GALC: variants seen among roughly 807,000 people sequenced by gnomAD.
GALC encodes the protein galactosylceramidase, also known as galactocerebrosidase.
Under a neutral mutation model 91.8 loss-of-function variants are expected in GALC, and 77 were observed. The observed-to-expected ratio is 0.84, with a 90% CI of 0.70 to 1.01. GALC has a LOEUF of 1.01. GALC is among the 50% of genes least tolerant of loss of function. The pLI is 0.00. For missense variants in GALC, 882 were observed against 855.9 expected (o/e 1.03, Z -0.38); for synonymous variants, 357 against 306.7 (o/e 1.16, Z -1.71).
chr14:87,947,757 G>C lies in GALC; in HGVS notation c.1460C>G (p.Pro487Arg), dbSNP rs1056412903. 2.5e-6 allele frequency: 4 copies of C among 1,612,908 alleles called. No homozygotes were observed. The South Asian group carries it at 4.4e-5, about 18-fold the overall frequency. Residue 487 changes from proline to arginine, a missense_variant, in exon 13 of 17, where the codon CCA (proline) becomes CGA (arginine). By Grantham distance (103) the Pro-to-Arg change is moderately radical. Coordinates refer to ENST00000261304, the MANE Select transcript of GALC (RefSeq NM_000153.4). ...ATTGAAATCATCCTTATAGGTACTT[G>C]GGAAGGGCTGGGATTTTGGAGGAAG... is the stretch of plus-strand genomic sequence containing the variant. Reference protein sequence around the residue: ...YPLPPKSQPFPSTYKDDFNVD... With the variant: ...YPLPPKSQPFRSTYKDDFNVD...
At chr14:87,958,367 A>C (rs1029471825) in intron 10 of GALC, among the ~76,000 whole-genome samples, 3 of 152,060 alleles carry the variant, frequency 2.0e-5, no homozygotes, top group Admixed American at 2.0e-4. Context: ...ACTAAAAAAA[A>C]CTCACAAAAA....
chr14:87,967,627 T>G (rs190549474), intron 8 of GALC, among the ~76,000 whole-genome samples: 15 of 152,318 alleles, frequency 9.8e-5, no homozygotes, highest in Admixed American at 5.2e-4. Context: ...AAAATAGTTG[T>G]GTTCTCCCTT....
chr14:87,959,125 C>T lies in GALC; in HGVS notation c.1161+4259G>A, dbSNP rs564762337. ...TAGACTATGTAAAGAACTTAAACAA[C>T]GACAACAAAATAGCCCAGTTTAAAA... On this transcript the variant is annotated intron_variant, in intron 10 of 16. Transcript: ENST00000261304. Among the ~76,000 whole-genome samples the T allele has an allele frequency of 9.1e-4, 138 of 151,920 alleles. 1 individual carries two copies. Among genetic ancestry groups the T allele is most frequent in the Non-Finnish European group, 1.5e-3 (103 of 67,924 alleles).
chr14:87,965,046 A>T (rs1885974811), intron 9 of GALC, among the ~76,000 whole-genome samples: 1 of 152,206 alleles, frequency 6.6e-6, no homozygotes, highest in African/African-American at 2.4e-5. Context: ...TATTCATTTG[A>T]TGATTCAATA....
intron 1 of GALC, among the ~76,000 whole-genome samples, chr14:87,990,214 T>A (rs1303370137): frequency 1.3e-5 from 2 of 152,244 alleles, no homozygotes; most frequent in East Asian, 3.8e-4. Flanking sequence ...CAAGTTTGTA[T>A]CCTCATTCTT....
intron 9 of GALC, among the ~76,000 whole-genome samples, chr14:87,964,035 T>C (rs1169647154): frequency 6.6e-6 from 1 of 152,112 alleles, no homozygotes; most frequent in Non-Finnish European, 1.5e-5. Flanking sequence ...ATCTAGATAA[T>C]GTGGGGCCAA....
At chr14:87,945,171 CCACTAGATGGCAA>C (rs1215233622) in intron 14 of GALC, among the ~76,000 whole-genome samples, 1 of 151,808 alleles carries the variant, frequency 6.6e-6, no homozygotes, top group Non-Finnish European at 1.5e-5. Context: ...TAAGATTGGT[CCACTAGATGGCAA>C]CACCAGATCA....
rs371523347 is a variant in GALC, at chr14:87,988,513, C to T, written c.206G>A (p.Arg69Gln). ...GAVSGGGATS[R>Q]LLVNYPEPYR... Reference sequence around the variant, plus strand: ...GGGCTCTGGGTAATTTACTAGAAGTCGGGAGGTTGCCTAAAAAAAAAAGTT... The same window carrying T: ...GGGCTCTGGGTAATTTACTAGAAGTTGGGAGGTTGCCTAAAAAAAAAAGTT... The change falls in exon 2 of 17, where the codon CGA becomes CAA. Residue 69 changes from arginine to glutamine, a missense_variant. Coordinates refer to ENST00000261304, the MANE Select transcript of GALC (RefSeq NM_000153.4). 1.5e-5 allele frequency: 24 copies of T among 1,609,626 alleles called. No individual in the cohort carries two copies. Among genetic ancestry groups the T allele is most frequent in the Admixed American group, 5.0e-5 (3 of 59,958 alleles).
intron 10 of GALC, chr14:87,952,978 C>A: frequency 2.0e-6 from 2 of 982,392 alleles, no homozygotes; most frequent in South Asian, 2.6e-5. Context: ...AACTTTCACT[C>A]AAATTTGTTT....
intron 10 of GALC, among the ~76,000 whole-genome samples, chr14:87,951,548 A>G (rs557365308): frequency 2.0e-5 from 3 of 152,058 alleles, no homozygotes; most frequent in Non-Finnish European, 2.9e-5. Context: ...ATTCTTTTCA[A>G]GCGCACATGG....
At chr14:87,978,095 C>T (rs1052396021) in intron 6 of GALC, among the ~76,000 whole-genome samples, 9 of 152,170 alleles carry the variant, frequency 5.9e-5, no homozygotes, top group African/African-American at 1.9e-4. Context: ...TCTTGTTGCC[C>T]AGGCTGGGGT....
intron 4 of GALC, among the ~76,000 whole-genome samples, chr14:87,985,655 A>T (rs1886937707): frequency 6.6e-6 from 1 of 152,216 alleles, no homozygotes; most frequent in African/African-American, 2.4e-5. Context: ...TGAGAAAATT[A>T]TTTTTTAAAT....
intron 5 of GALC, among the ~76,000 whole-genome samples, chr14:87,983,481 C>T (rs1298983549): frequency 6.6e-6 from 1 of 152,208 alleles, no homozygotes; most frequent in African/African-American, 2.4e-5. Context: ...GTTCCAGCAT[C>T]TACTTCTCTT....
Position 87,949,846 on chromosome 14 carries a change from C to G in GALC, c.1337G>C (p.Trp446Ser). The stretch of plus-strand genomic sequence containing the variant: ...TATAAGAATTTACTTTAAAATTACC[C>G]ATAGAGAATCCAGCTGCTTAAAAAG... ...RFLFKQLDSL[W>S]LLDSDGSFTL... Residue 446 changes from tryptophan to serine, a missense_variant and splice_region_variant, in exon 12 of 17, where the codon TGG becomes TCG. Transcript: ENST00000261304. 1 of 1,521,244 alleles carries G rather than the reference C, an allele frequency of 6.6e-7. No individual in the cohort carries two copies. The highest frequency in any genetic ancestry group is 2.3e-5 in the East Asian group (1 of 44,232). The allele number at this position is 1,521,244 out of a possible 1,614,324, so 94.2% of individuals were successfully genotyped here. A position where few individuals can be genotyped will look rare whatever the true frequency, so the allele number is the denominator to read the frequency against.
At chr14:87,951,590 C>T (rs1885311683) in intron 10 of GALC, among the ~76,000 whole-genome samples, 1 of 151,860 alleles carries the variant, frequency 6.6e-6, no homozygotes, top group Non-Finnish European at 1.5e-5. Flanking sequence ...TACTCTGATC[C>T]ATAAAGCAAG....
At position 87,945,619 on chromosome 14, in the gene GALC, T is replaced by A. The variant is rs774239455; in HGVS notation, c.1604A>T (p.Asn535Ile). 6.2e-7 allele frequency: 1 copy of A among 1,610,610 alleles called. No homozygotes were observed. The highest frequency in any genetic ancestry group is 1.7e-5 in the Admixed American group (1 of 59,884). Residue 535 changes from asparagine to isoleucine, a missense_variant, in exon 14 of 17, where the codon AAC becomes ATC. Physicochemically the swap from Asn to Ile is moderately radical, Grantham distance 149. Coordinates refer to ENST00000261304, the MANE Select transcript of GALC (RefSeq NM_000153.4). The part of the protein sequence containing the change: ...EHHFTLRQVL[N>I]QRPITWAADA... ...GGCAGCCCATGTAATGGGTCTCTGG[T>A]TGAGAACTTGGCGTAGCGTGAAGTG... is the stretch of plus-strand genomic sequence containing the variant.
chr14:87,950,570 A>G (rs778054687), intron 11 of GALC, 89 bp downstream of exon 11: 78 of 811,378 alleles, frequency 9.6e-5, no homozygotes, highest in Non-Finnish European at 1.5e-4. Flanking sequence ...AGTTCATAAT[A>G]TAAGGCTTCA....
chr14:87,949,911 C>T lies in GALC; in HGVS notation c.1272G>A (p.Gln424=), dbSNP rs376675180. The T allele has an allele frequency of 2.1e-4, 326 of 1,580,290 alleles. No individual in the cohort carries two copies. Among genetic ancestry groups the T allele is most frequent in the Non-Finnish European group, 2.7e-4 (316 of 1,150,214 alleles). The change falls in exon 12 of 17, where the codon CAG becomes CAA. Residue 424 remains glutamine (Q), a synonymous_variant. Transcript: ENST00000261304. ...KGSFSEIPEL[Q]VWYTKLGKTS... ...TTTTTCCAAGTTTGGTATACCATAC[C>T]TGTAGCTCTGGTATTTCACTCTGTA...
chr14:87,974,624 A>G (rs1886421448), intron 7 of GALC, among the ~76,000 whole-genome samples: 1 of 152,206 alleles, frequency 6.6e-6, no homozygotes, highest in Non-Finnish European at 1.5e-5. Context: ...AAGGTTATAT[A>G]TAAACTCAAT....
Sources: gnomAD v4.1 joint callset for allele counts (sites outside exome capture counted in the v4.1 genomes callset) on GRCh38, gnomAD v4.1.1 for gene constraint, MANE v1.5 for transcripts, NCBI Gene and HGNC (gene_info 2026-07-23, HGNC 2026-07-21) for gene names.